The following ZMYM4 variants were observed in gnomAD, a reference collection of about 807,000 sequenced individuals.
The protein encoded by ZMYM4 is zinc finger MYM-type protein 4.
Under a neutral mutation model 183.2 loss-of-function variants are expected in ZMYM4, and 31 were observed. The ratio of observed to expected loss-of-function variants is 0.17; its 90% CI spans 0.13 to 0.23. The LOEUF is 0.23. Ranked by LOEUF, ZMYM4 falls within the 10% of genes least tolerant of loss-of-function variation. ZMYM4 has a pLI of 1.00. For missense variants in ZMYM4, 1,273 were observed against 1,840.3 expected (o/e 0.69, Z 5.64); for synonymous variants, 592 against 631.2 (o/e 0.94, Z 0.93).
intron 1 of ZMYM4, among the ~76,000 whole-genome samples, chr1:35,304,406 C>T (rs1307303411): frequency 1.3e-5 from 2 of 151,864 alleles, no homozygotes; most frequent in African/African-American, 4.8e-5. Flanking sequence ...AAATTTAATA[C>T]CACTGAGGTC....
At chr1:35,312,766 G>C (rs1385134641) in intron 1 of ZMYM4, among the ~76,000 whole-genome samples, 1 of 147,660 alleles carries the variant, frequency 6.8e-6, no homozygotes, top group East Asian at 2.1e-4. Flanking sequence ...TGTTGCCCAG[G>C]CTGGAGTGCA....
intron 2 of ZMYM4, among the ~76,000 whole-genome samples, chr1:35,338,388 T>C (rs1185385275): frequency 6.6e-6 from 1 of 152,182 alleles, no homozygotes; most frequent in Admixed American, 6.6e-5. Flanking sequence ...CAACCAAGCG[T>C]GGATAGAAAA....
At chr1:35,359,492 C>A (rs763954450) in intron 3 of ZMYM4, 46 bp downstream of exon 3, 4 of 1,475,320 alleles carry the variant, frequency 2.7e-6, no homozygotes, top group Non-Finnish European at 3.6e-6. Context: ...TTAAAAATTA[C>A]CGATCATAAT....
chr1:35,340,405 A>G (rs1245964874), intron 2 of ZMYM4, among the ~76,000 whole-genome samples: 1 of 152,078 alleles, frequency 6.6e-6, no homozygotes, highest in African/African-American at 2.4e-5. Context: ...CATTACATTT[A>G]TTGTGCACTT....
chr1:35,367,892 C>T (rs1476121279), intron 5 of ZMYM4, among the ~76,000 whole-genome samples: 1 of 152,068 alleles, frequency 6.6e-6, no homozygotes, highest in Non-Finnish European at 1.5e-5. Context: ...AGGAGAATCA[C>T]TTGAACGCAG....
Position 35,418,584 on chromosome 1 carries a change from C to G in ZMYM4, c.4439+12C>G, listed in dbSNP as rs1285468194. ...TACCTGTCAAAATGGTAATCTTTCTCTGAACTGAATGTAGTGCACTCAGAA... is the reference window on the plus strand; with the variant it reads ...TACCTGTCAAAATGGTAATCTTTCTGTGAACTGAATGTAGTGCACTCAGAA... On this transcript the variant is annotated intron_variant, in intron 29 of 29. Transcript: ENST00000314607. 3.1e-6 allele frequency: 5 copies of G among 1,613,800 alleles called. No individual in the cohort carries two copies. The highest frequency in any genetic ancestry group is 4.2e-6 in the Non-Finnish European group (5 of 1,179,896).
chr1:35,290,022 C>A (rs746155554), intron 1 of ZMYM4, among the ~76,000 whole-genome samples: 7 of 151,902 alleles, frequency 4.6e-5, no homozygotes, highest in Non-Finnish European at 8.8e-5. Context: ...GGCTGGAGTG[C>A]GGTGGTGCGA....
chr1:35,389,014 T>A lies in ZMYM4; in HGVS notation c.2368T>A (p.Leu790Ile). 6.2e-7 allele frequency: 1 copy of A among 1,614,088 alleles called. No homozygotes were observed. The highest frequency in any genetic ancestry group is 8.5e-7 in the Non-Finnish European group (1 of 1,179,988). ...ATCTCCCAAATTGGTACAGAATAAT[T>A]TAGGAGGGAAAGTGGAAGAGTTCTG... is the stretch of plus-strand genomic sequence containing the variant. ...QTSPKLVQNNLGGKVEEFCCE... is the reference protein window; with the variant it reads ...QTSPKLVQNNIGGKVEEFCCE... Residue 790 changes from leucine (L) to isoleucine (I), a missense_variant, in exon 14 of 30, where the codon TTA becomes ATA. By Grantham distance (5) the Leu-to-Ile change is conservative. Coordinates refer to ENST00000314607, the MANE Select transcript of ZMYM4 (RefSeq NM_005095.3). This position sits in a 1 kb window ranked among gnomAD's most constrained non-coding sequence, Gnocchi z 4.0.
intron 7 of ZMYM4, among the ~76,000 whole-genome samples, chr1:35,379,823 T>G (rs1320135851): frequency 6.6e-6 from 1 of 152,196 alleles, no homozygotes; most frequent in Non-Finnish European, 1.5e-5. Flanking sequence ...GTGGGAGAGA[T>G]ACAGAAGTGG....
intron 2 of ZMYM4, among the ~76,000 whole-genome samples, chr1:35,330,283 A>T (rs1642681578): frequency 6.6e-6 from 1 of 152,100 alleles, no homozygotes; most frequent in African/African-American, 2.4e-5. Context: ...ATGAGGAAAG[A>T]AAAGGAGTTT....
chr1:35,308,796 G>A (rs1390421991), intron 1 of ZMYM4, among the ~76,000 whole-genome samples: 1 of 152,122 alleles, frequency 6.6e-6, no homozygotes, highest in East Asian at 1.9e-4. Flanking sequence ...GGGGGGTGGA[G>A]GTTGCAGTGA....
chr1:35,319,817 T>A (rs1302473355), intron 1 of ZMYM4, among the ~76,000 whole-genome samples: 1 of 152,214 alleles, frequency 6.6e-6, no homozygotes, highest in Non-Finnish European at 1.5e-5. Context: ...AGTGGTCTGT[T>A]GAAAGTATAC....
intron 1 of ZMYM4, among the ~76,000 whole-genome samples, chr1:35,293,909 T>C (rs966502576): frequency 6.6e-6 from 1 of 152,058 alleles, no homozygotes; most frequent in Non-Finnish European, 1.5e-5. Context: ...CCCAGCACTT[T>C]GGGAGCACGA....
At chr1:35,326,748 T>C (rs543611487) in intron 2 of ZMYM4, among the ~76,000 whole-genome samples, 7 of 152,308 alleles carry the variant, frequency 4.6e-5, no homozygotes, top group Admixed American at 4.6e-4. Context: ...ATTAACCTAA[T>C]GTGCACATCT....
chr1:35,414,088 G>A lies in ZMYM4; in HGVS notation c.4060+5G>A. 6.7e-7 allele frequency: 1 copy of A among 1,486,402 alleles called. No individual in the cohort carries two copies. Among genetic ancestry groups the A allele is most frequent in the Non-Finnish European group, 9.2e-7 (1 of 1,092,096 alleles). 92.1% of individuals were successfully genotyped at this position (1,486,402 alleles called of 1,614,324 possible). A position where few individuals can be genotyped will look rare whatever the true frequency, so the allele number is the denominator to read the frequency against. ...AACCTACAATACTTCCTAATGGTAGGGTGATTTTTTTTTTATTGTTTTCAT... is the reference window on the plus strand; with the variant it reads ...AACCTACAATACTTCCTAATGGTAGAGTGATTTTTTTTTTATTGTTTTCAT... On this transcript the variant is annotated splice_donor_5th_base_variant and intron_variant, in intron 27 of 29. Coordinates refer to ENST00000314607, the MANE Select transcript of ZMYM4 (RefSeq NM_005095.3).
intron 1 of ZMYM4, among the ~76,000 whole-genome samples, chr1:35,304,058 G>A (rs562932168): frequency 8.6e-5 from 13 of 150,594 alleles, no homozygotes; most frequent in Non-Finnish European, 1.8e-4. Flanking sequence ...GGAGTTTCGC[G>A]CTGTCGCCTG....
chr1:35,297,130 G>A (rs765891416), intron 1 of ZMYM4, among the ~76,000 whole-genome samples: 3 of 151,734 alleles, frequency 2.0e-5, no homozygotes, highest in African/African-American at 7.3e-5. Flanking sequence ...GATTACAAGC[G>A]TGAGGCACCG....
At chr1:35,402,679 A>C (rs751065112) in intron 23 of ZMYM4, among the ~76,000 whole-genome samples, 1 of 152,168 alleles carries the variant, frequency 6.6e-6, no homozygotes, top group Non-Finnish European at 1.5e-5. Context: ...AAATATAGAT[A>C]ATTTTTTCTT....
intron 26 of ZMYM4, among the ~76,000 whole-genome samples, chr1:35,410,221 C>A (rs1219197567): frequency 6.6e-6 from 1 of 152,130 alleles, no homozygotes; most frequent in Non-Finnish European, 1.5e-5. Context: ...ATCAGGGCCC[C>A]ACTGCCAACA....
Sources: allele counts gnomAD v4.1 joint callset (sites outside exome capture counted in the v4.1 genomes callset), GRCh38; gene constraint gnomAD v4.1.1; non-coding constraint Gnocchi (gnomAD v3.1); transcripts MANE v1.5; gene names NCBI Gene and HGNC (gene_info 2026-07-23, HGNC 2026-07-21).